Variants in FBXO42 observed in about 807,000 individuals in gnomAD.
FBXO42 encodes the protein F-box protein 42.
In FBXO42, 12 loss-of-function variants were observed where a neutral mutation model predicts 71.7. The ratio of observed to expected loss-of-function variants is 0.17; its 90% confidence interval spans 0.11 to 0.27. The LOEUF (loss-of-function observed/expected upper bound fraction) is 0.27. Ranked by LOEUF, FBXO42 falls within the 10% of genes least tolerant of loss-of-function variation. FBXO42 has a pLI of 1.00. For missense variants in FBXO42, 707 were observed against 911.9 expected, an observed-to-expected ratio of 0.78 and a Z score of 2.89; for synonymous variants, 325 against 327.5, an observed-to-expected ratio of 0.99 and a Z score of 0.08.
chr1:16,315,929 G>A (rs2082358671), intron 1 of FBXO42, among the ~76,000 whole-genome samples: 1 of 152,112 alleles, frequency 6.6e-6, no homozygotes, highest in African/African-American at 2.4e-5. Flanking sequence ...CCAGCACTTT[G>A]GGAGACCGAG....
chr1:16,287,021 C>A (rs1056069790), intron 4 of FBXO42, among the ~76,000 whole-genome samples: 2 of 152,218 alleles, frequency 1.3e-5, no homozygotes, highest in African/African-American at 4.8e-5. Context: ...TACTTGCCCT[C>A]TTCTCAGAAA....
chr1:16,300,893 C>CTTTTTTTT (rs34549210), intron 3 of FBXO42, among the ~76,000 whole-genome samples: 1 of 100,896 alleles, frequency 9.9e-6, no homozygotes. Context: ...TAGAATTGGC[C>CTTTTTTTT]TTTTTTTTTT....
intron 1 of FBXO42, among the ~76,000 whole-genome samples, chr1:16,333,777 T>C (rs867933581): frequency 1.2e-4 from 19 of 152,104 alleles, no homozygotes; most frequent in South Asian, 2.1e-4. Context: ...CCAATACCAA[T>C]TGTCTTTTTA....
In FBXO42 at chr1:16,258,138, T is replaced by C. The variant is rs549856767; in HGVS notation, c.503-1379A>G. On this transcript the variant is annotated intron_variant, in intron 4 of 9. Transcript: ENST00000375592. ...TCTAGGTGGAGAGCTTTGCTTCCTCTTTCAGTAGCACATTACAGAACACTG... is the reference window on the plus strand; with the variant it reads ...TCTAGGTGGAGAGCTTTGCTTCCTCCTTCAGTAGCACATTACAGAACACTG... Among the ~76,000 whole-genome samples the C allele has an allele frequency of 3.3e-5, 5 of 152,300 alleles. No homozygotes were observed. The South Asian group carries it at 1.0e-3, about 32-fold the overall frequency.
chr1:16,343,306 C>T (rs555813695), intron 1 of FBXO42, among the ~76,000 whole-genome samples: 1 of 152,262 alleles, frequency 6.6e-6, no homozygotes, highest in African/African-American at 2.4e-5. Context: ...CACTTTAGGT[C>T]AAGGCAGGTG....
At chr1:16,277,272 A>G (rs2081914012) in intron 4 of FBXO42, among the ~76,000 whole-genome samples, 1 of 152,224 alleles carries the variant, frequency 6.6e-6, no homozygotes, top group African/African-American at 2.4e-5. Context: ...GCATTCTCCT[A>G]ACACATTTGC....
intron 1 of FBXO42, among the ~76,000 whole-genome samples, chr1:16,343,265 T>C (rs960749782): frequency 1.3e-5 from 2 of 152,172 alleles, no homozygotes; most frequent in African/African-American, 4.8e-5. Flanking sequence ...AACTGCAGGC[T>C]AGGCGCAGTG....
intron 1 of FBXO42, among the ~76,000 whole-genome samples, chr1:16,321,833 C>G (rs544369655): frequency 6.6e-6 from 1 of 152,120 alleles, no homozygotes; most frequent in South Asian, 2.1e-4. Context: ...GCTGGGAATA[C>G]AGGTATAAGT....
chr1:16,314,841 G>T (rs184214709), intron 2 of FBXO42, among the ~76,000 whole-genome samples: 1 of 150,858 alleles, frequency 6.6e-6, no homozygotes, highest in African/African-American at 2.4e-5. Context: ...CCGAGATTGC[G>T]CCACTGCACT....
chr1:16,253,108 G>C lies in FBXO42; in HGVS notation c.909C>G (p.Gly303=). 6.2e-7 allele frequency: 1 copy of C among 1,613,458 alleles called. No individual in the cohort carries two copies. Among genetic ancestry groups the C allele is most frequent in the Non-Finnish European group, 8.5e-7 (1 of 1,179,760 alleles). ...DATILILGGC[G]GPNALFKDAW... is the part of the protein sequence containing the mutation. ...AAGCAATACTCACAGCATTGGGACC[G>C]CCACACCCTCCGAGGATTAAGATAG... The change falls in exon 8 of 10, where the codon GGC becomes GGG. Residue 303 remains glycine, a synonymous_variant. Coordinates refer to ENST00000375592, the MANE Select transcript of FBXO42 (RefSeq NM_018994.3).
In FBXO42 at chr1:16,305,028, A is replaced by G. The variant is rs1046713655; in HGVS notation, c.367+775T>C. Among the ~76,000 whole-genome samples the G allele has an allele frequency of 2.6e-5, 4 of 152,296 alleles. No individual in the cohort carries two copies. In the East Asian group the frequency reaches 7.7e-4, roughly 29 times the overall value. On this transcript the variant is annotated intron_variant, in intron 3 of 9. Transcript: ENST00000375592. Reference sequence around the variant, plus strand: ...CTGCCTACAATATATTTAGGCTGACACTTTTCCCTAATTCTGGTTATAAAA... The same window carrying G: ...CTGCCTACAATATATTTAGGCTGACGCTTTTCCCTAATTCTGGTTATAAAA...
chr1:16,276,425 C>T (rs1214920248), intron 4 of FBXO42, among the ~76,000 whole-genome samples: 1 of 149,988 alleles, frequency 6.7e-6, no homozygotes, highest in African/African-American at 2.4e-5. Flanking sequence ...AACTGGAGAA[C>T]TTGAGAAACT....
At chr1:16,292,115 T>C (rs1010436760) in intron 4 of FBXO42, among the ~76,000 whole-genome samples, 2 of 152,242 alleles carry the variant, frequency 1.3e-5, no homozygotes, top group African/African-American at 4.8e-5. Flanking sequence ...AAAATTACTT[T>C]AAACATTCAG....
intron 1 of FBXO42, among the ~76,000 whole-genome samples, chr1:16,340,819 T>C (rs1377746493): frequency 6.6e-6 from 1 of 152,204 alleles, no homozygotes; most frequent in Non-Finnish European, 1.5e-5. Flanking sequence ...ACTGAACCCT[T>C]ATTTCACAAA....
chr1:16,254,615 A>G (rs995970827), intron 6 of FBXO42, among the ~76,000 whole-genome samples: 7 of 152,252 alleles, frequency 4.6e-5, no homozygotes, highest in Admixed American at 3.3e-4. Flanking sequence ...AGTAGCTCCT[A>G]TAATCTCTCT....
intron 4 of FBXO42, among the ~76,000 whole-genome samples, chr1:16,272,807 T>C (rs2081860303): frequency 6.6e-6 from 1 of 152,200 alleles, no homozygotes; most frequent in South Asian, 2.1e-4. Context: ...CTTCTAGCCT[T>C]TACACGAACA....
intron 1 of FBXO42, 93 bp downstream of exon 1, chr1:16,352,162 C>T (rs1569964421): frequency 5.1e-6 from 2 of 389,986 alleles, no homozygotes; most frequent in East Asian, 7.3e-5. Context: ...CTGCGTCAGA[C>T]CCCGGGCGCC....
At chr1:16,278,050 A>C (rs1056621706) in intron 4 of FBXO42, among the ~76,000 whole-genome samples, 2 of 150,374 alleles carry the variant, frequency 1.3e-5, no homozygotes, top group Non-Finnish European at 3.0e-5. Context: ...TCAAAAAATA[A>C]ATAATTTTTA....
chr1:16,299,403 G>C (rs1319868514), intron 3 of FBXO42, among the ~76,000 whole-genome samples: 2 of 152,086 alleles, frequency 1.3e-5, no homozygotes, highest in African/African-American at 4.8e-5. Context: ...ACTAAAATAG[G>C]GCAATTGGCA....
Sources: allele counts gnomAD v4.1 joint callset (sites outside exome capture counted in the v4.1 genomes callset), GRCh38; gene constraint gnomAD v4.1.1; transcripts MANE v1.5; gene names NCBI Gene and HGNC (gene_info 2026-07-23, HGNC 2026-07-21).